The following NLGN1 variants were observed in gnomAD, a reference collection of about 807,000 sequenced individuals.
The protein encoded by NLGN1 is neuroligin 1.
Under a neutral mutation model 65.5 loss-of-function variants are expected in NLGN1, and 12 were observed. The observed-to-expected ratio is 0.18, with a 90% CI of 0.12 to 0.30. The LOEUF is 0.30. NLGN1 is among the 10% of genes least tolerant of loss of function. The probability of loss-of-function intolerance (pLI) is 1.00; values close to 1 mark genes in which losing one functional copy is unlikely to be tolerated. For missense variants in NLGN1, 750 were observed against 1,007.1 expected, an observed-to-expected ratio of 0.74 and a Z score of 3.46; for synonymous variants, 350 against 359.5, an observed-to-expected ratio of 0.97 and a Z score of 0.30.
chr3:173,462,286 T>C (rs1166529803), intron 2 of NLGN1, among the ~76,000 whole-genome samples: 1 of 152,166 alleles, frequency 6.6e-6, no homozygotes, highest in African/African-American at 2.4e-5. Flanking sequence ...GCTCAATAAA[T>C]ATTTGCAGTT....
In NLGN1 at chr3:173,618,719, C is replaced by T. The variant is rs906941949; in HGVS notation, c.493+13628C>T. 7.9e-5 allele frequency among the ~76,000 whole-genome samples: 12 copies of T among 151,986 alleles called. 1 individual carries two copies. Among genetic ancestry groups the T allele is most frequent in the Admixed American group, 7.9e-4 (12 of 15,248 alleles). On this transcript the variant is annotated intron_variant, in intron 3 of 6. Transcript: ENST00000457714. ...TAGATCACTGAGATAAATAGAGTGG[C>T]CAGTGGCTTTTCTAGTGGATGGTGG...
At chr3:173,457,488 G>A (rs1722697458) in intron 2 of NLGN1, among the ~76,000 whole-genome samples, 1 of 152,070 alleles carries the variant, frequency 6.6e-6, no homozygotes, top group South Asian at 2.1e-4. Flanking sequence ...AGATCATTTA[G>A]GTTTTTAGAG....
intron 3 of NLGN1, among the ~76,000 whole-genome samples, chr3:173,739,440 C>A (rs1774286844): frequency 6.6e-6 from 1 of 152,008 alleles, no homozygotes; most frequent in Non-Finnish European, 1.5e-5. Flanking sequence ...CCTAGTAGAT[C>A]CTCTTCTGGA....
chr3:173,946,799 G>A (rs1455408854), intron 4 of NLGN1, among the ~76,000 whole-genome samples: 1 of 152,108 alleles, frequency 6.6e-6, no homozygotes, highest in Non-Finnish European at 1.5e-5. Context: ...ATGGAATCTT[G>A]TTTCTTTAAT....
At chr3:173,997,238 A>G (rs1427134702) in intron 4 of NLGN1, among the ~76,000 whole-genome samples, 1 of 152,112 alleles carries the variant, frequency 6.6e-6, no homozygotes, top group East Asian at 1.9e-4. Flanking sequence ...GGACTTCAGT[A>G]CACTTTTGTG....
At chr3:173,704,945 A>G (rs1767818680) in intron 3 of NLGN1, among the ~76,000 whole-genome samples, 1 of 152,168 alleles carries the variant, frequency 6.6e-6, no homozygotes, top group African/African-American at 2.4e-5. Flanking sequence ...TACTCCTGCT[A>G]CCATGTAATC....
chr3:174,167,310 G>C (rs1366848821), intron 4 of NLGN1, among the ~76,000 whole-genome samples: 1 of 151,988 alleles, frequency 6.6e-6, no homozygotes, highest in South Asian at 2.1e-4. Flanking sequence ...ATTTAAGTGT[G>C]TTTTGGTGGT....
intron 4 of NLGN1, among the ~76,000 whole-genome samples, chr3:173,854,783 C>T (rs539927978): frequency 1.3e-4 from 20 of 151,952 alleles, no homozygotes; most frequent in Non-Finnish European, 2.9e-4. Flanking sequence ...TAGAAGGAGA[C>T]AAGGAAAATG....
At chr3:173,973,051 C>T (rs1449868801) in intron 4 of NLGN1, among the ~76,000 whole-genome samples, 1 of 152,086 alleles carries the variant, frequency 6.6e-6, no homozygotes, top group Non-Finnish European at 1.5e-5. Context: ...AATATTTAAC[C>T]TCTCCTTGTC....
At chr3:173,909,262 A>G (rs1739087918) in intron 4 of NLGN1, among the ~76,000 whole-genome samples, 1 of 152,110 alleles carries the variant, frequency 6.6e-6, no homozygotes, top group African/African-American at 2.4e-5. Flanking sequence ...TGGCACCTAG[A>G]AGAGAAAAGC....
intron 2 of NLGN1, among the ~76,000 whole-genome samples, chr3:173,563,305 A>G (rs1743083617): frequency 6.6e-6 from 1 of 152,224 alleles, no homozygotes; most frequent in African/African-American, 2.4e-5. Flanking sequence ...ATGTGCATGC[A>G]CTTGCTAGTT....
At chr3:173,936,172 T>A (rs750410566) in intron 4 of NLGN1, among the ~76,000 whole-genome samples, 1 of 151,886 alleles carries the variant, frequency 6.6e-6, no homozygotes, top group Non-Finnish European at 1.5e-5. Flanking sequence ...AAGTGGTTGG[T>A]TTCTGTATTG....
chr3:173,781,178 A>G (rs1781098405), intron 3 of NLGN1, among the ~76,000 whole-genome samples: 1 of 150,148 alleles, frequency 6.7e-6, no homozygotes, highest in Admixed American at 6.6e-5. Context: ...AGAGCATGTA[A>G]GTGAAAAAGT....
intron 4 of NLGN1, chr3:174,057,536 CTACATAAGA>C (rs1228781855): frequency 6.6e-6 from 1 of 152,060 alleles, no homozygotes; most frequent in Non-Finnish European, 1.5e-5. Flanking sequence ...AGAAACAGCC[CTACATAAGA>C]TAAGTCTTCT....
At chr3:174,010,097 G>A (rs35244181) in intron 4 of NLGN1, among the ~76,000 whole-genome samples, 26,282 of 152,076 alleles carry the variant, frequency 0.17, 2,491 homozygotes, top group East Asian at 0.34. Context: ...TTTTGAATGG[G>A]TATTCTAGAG....
intron 4 of NLGN1, among the ~76,000 whole-genome samples, chr3:174,228,724 CT>C (rs1391231099): frequency 6.6e-6 from 1 of 152,044 alleles, no homozygotes; most frequent in Non-Finnish European, 1.5e-5. Flanking sequence ...CATAACTCTT[CT>C]TCAGAGTATT....
intron 2 of NLGN1, among the ~76,000 whole-genome samples, chr3:173,487,398 A>G (rs1000095807): frequency 2.6e-5 from 4 of 151,960 alleles, no homozygotes; most frequent in Non-Finnish European, 4.4e-5. Context: ...TTGGTGATCA[A>G]TTCTTGTAGA....
At chr3:174,216,871 C>T (rs988776345) in intron 4 of NLGN1, among the ~76,000 whole-genome samples, 26 of 152,160 alleles carry the variant, frequency 1.7e-4, no homozygotes, top group African/African-American at 5.8e-4. Context: ...GGTATTGCTT[C>T]TGCAATGTCA....
At chr3:174,247,942 A>G (rs891023417) in intron 4 of NLGN1, among the ~76,000 whole-genome samples, 6 of 152,222 alleles carry the variant, frequency 3.9e-5, no homozygotes, top group African/African-American at 1.4e-4. Context: ...ATAATAATCC[A>G]TAGGACATGT....
Sources: allele counts gnomAD v4.1 joint callset (sites outside exome capture counted in the v4.1 genomes callset), GRCh38; gene constraint gnomAD v4.1.1; transcripts MANE v1.5; gene names NCBI Gene and HGNC (gene_info 2026-07-23, HGNC 2026-07-21).